Variants in XKR7 observed in about 807,000 individuals in gnomAD.
XKR7 encodes XK related 7.
XKR7 carries 11 observed loss-of-function variants against 42.2 expected under a neutral mutation model. That is an observed-to-expected ratio of 0.26 (90% CI 0.16 to 0.43). The LOEUF is 0.43. XKR7 is among the 20% of genes least tolerant of loss of function. XKR7 has a pLI of 1.00. For synonymous variants in XKR7, 346 were observed against 366.4 expected (o/e 0.94, Z 0.64); for missense variants, 710 against 802.2 (o/e 0.89, Z 1.39).
intron 1 of XKR7, among the ~76,000 whole-genome samples, chr20:31,982,356 A>G (rs1444558139): frequency 6.6e-6 from 1 of 152,076 alleles, no homozygotes; most frequent in African/African-American, 2.4e-5. Flanking sequence ...CCCTGTCTCT[A>G]CTAAAAATAC....
chr20:31,994,475 G>A (rs1445710627), intron 1 of XKR7, among the ~76,000 whole-genome samples: 1 of 152,172 alleles, frequency 6.6e-6, no homozygotes, highest in Admixed American at 6.5e-5. Context: ...CACCCTGGGA[G>A]GCCAAAGCAG....
Position 31,968,727 on chromosome 20 carries a change from C to A in XKR7, c.552C>A (p.Leu184=). The A allele has an allele frequency of 6.4e-7, 1 of 1,550,980 alleles. No individual in the cohort carries two copies. The highest frequency in any genetic ancestry group is 8.6e-7 in the Non-Finnish European group (1 of 1,156,700). The change falls in exon 1 of 3, where the codon CTC becomes CTA. Residue 184 remains leucine (L), a synonymous_variant. Coordinates refer to ENST00000562532, the MANE Select transcript of XKR7 (RefSeq NM_001011718.2). The surrounding 1 kb of genome is among the most constrained non-coding windows in gnomAD (Gnocchi z 4.5). ...CRLCIWLLQT[L]VHLLQLGQVW... Reference sequence around the variant, plus strand: ...TCTGCATCTGGCTGCTGCAGACCCTCGTCCACCTCCTGCAGCTCGGCCAGG... The same window carrying A: ...TCTGCATCTGGCTGCTGCAGACCCTAGTCCACCTCCTGCAGCTCGGCCAGG...
intron 1 of XKR7, among the ~76,000 whole-genome samples, chr20:31,987,245 C>G (rs2064546448): frequency 6.8e-6 from 1 of 147,276 alleles, no homozygotes; most frequent in African/African-American, 2.5e-5. Context: ...AAGACACAGA[C>G]AGACAAACAG....
Position 31,968,832 on chromosome 20 carries a change from C to A in XKR7, c.584+73C>A. The A allele has an allele frequency of 1.4e-6, 2 of 1,434,662 alleles. No homozygotes were observed. The highest frequency in any genetic ancestry group is 1.8e-6 in the Non-Finnish European group (2 of 1,098,982). The allele number at this position is 1,434,662 out of a possible 1,614,324, so 88.9% of individuals were successfully genotyped here. ...GCGAAGGGCTACCTGACGTCCCAGC[C>A]CTGATCTGACCTTTCCGGGCTACCC... On this transcript the variant is annotated intron_variant, in intron 1 of 2. Transcript: ENST00000562532. This position sits in a 1 kb window ranked among gnomAD's most constrained non-coding sequence, Gnocchi z 4.5.
intron 1 of XKR7, among the ~76,000 whole-genome samples, chr20:31,976,510 G>A (rs1021104376): frequency 6.6e-6 from 1 of 151,594 alleles, no homozygotes; most frequent in Non-Finnish European, 1.5e-5. Flanking sequence ...TCAGCCTCCC[G>A]AGTAGCTGGG....
chr20:31,968,354 T>A lies in XKR7; in HGVS notation c.179T>A (p.Val60Glu). The part of the protein sequence containing the change: ...PRYELRDCCW[V>E]LCALLVFFSD... ...TACGAGCTGCGGGACTGCTGCTGGGTGCTGTGCGCGCTGCTCGTGTTCTTC... is the reference window on the plus strand; with the variant it reads ...TACGAGCTGCGGGACTGCTGCTGGGAGCTGTGCGCGCTGCTCGTGTTCTTC... The change falls in exon 1 of 3, where the codon GTG becomes GAG. Residue 60 changes from valine (V) to glutamate (E), a missense_variant. Val to Glu is a moderately radical substitution (Grantham distance 121, BLOSUM62 -2). This residue lies in a region of XKR7 where 708 missense variants were observed against 786.2 expected (regional missense o/e 0.90). Coordinates refer to ENST00000562532, the MANE Select transcript of XKR7 (RefSeq NM_001011718.2). This position sits in a 1 kb window ranked among gnomAD's most constrained non-coding sequence, Gnocchi z 4.5. 6.2e-7 allele frequency: 1 copy of A among 1,607,306 alleles called. No homozygotes were observed. The highest frequency in any genetic ancestry group is 8.5e-7 in the Non-Finnish European group (1 of 1,178,714).
intron 1 of XKR7, among the ~76,000 whole-genome samples, chr20:31,972,833 A>G (rs563445698): frequency 6.6e-6 from 1 of 152,336 alleles, no homozygotes; most frequent in Non-Finnish European, 1.5e-5. Context: ...GAAGCCCTGC[A>G]TGACAGAGAA....
At chr20:31,991,880 G>A (rs2064571847) in intron 1 of XKR7, among the ~76,000 whole-genome samples, 1 of 152,248 alleles carries the variant, frequency 6.6e-6, no homozygotes, top group South Asian at 2.1e-4. Flanking sequence ...CACTTTGGGA[G>A]GCTGAGGCGG....
chr20:31,990,303 T>C (rs1318425729), intron 1 of XKR7, among the ~76,000 whole-genome samples: 2 of 151,900 alleles, frequency 1.3e-5, no homozygotes, highest in Non-Finnish European at 2.9e-5. Flanking sequence ...AGTGTTGGGA[T>C]TACAGGTGTG....
chr20:32,002,250 T>A lies in XKR7; in HGVS notation c.*4793T>A, dbSNP rs2064628540. The A allele has an allele frequency of 6.6e-6, 1 of 152,034 alleles. No homozygotes were observed. Among genetic ancestry groups the A allele is most frequent in the African/African-American group, 2.4e-5 (1 of 41,364 alleles). 9.4% of individuals were successfully genotyped at this position (152,034 alleles called of 1,614,324 possible). A position where few individuals can be genotyped will look rare whatever the true frequency, so the allele number is the denominator to read the frequency against. On this transcript the variant is annotated 3_prime_UTR_variant, in exon 3 of 3. Transcript: ENST00000562532. ...CCTTCTCTGGAGGAGAAGGCTGCCCTCTCCTCAGCAACCCTGGCCTTTATT... is the reference window on the plus strand; with the variant it reads ...CCTTCTCTGGAGGAGAAGGCTGCCCACTCCTCAGCAACCCTGGCCTTTATT...
intron 1 of XKR7, among the ~76,000 whole-genome samples, chr20:31,986,452 A>C (rs2064540739): frequency 1.4e-5 from 2 of 143,878 alleles, no homozygotes. Context: ...CACCAAGCAC[A>C]CCCAGCATCC....
chr20:31,996,241 A>G (rs946918453), intron 2 of XKR7, among the ~76,000 whole-genome samples: 2 of 148,590 alleles, frequency 1.3e-5, no homozygotes, highest in African/African-American at 2.5e-5. Flanking sequence ...AGAGTCCTAG[A>G]TGGAGGCCAA....
intron 1 of XKR7, among the ~76,000 whole-genome samples, chr20:31,994,365 G>A (rs2064581883): frequency 6.6e-6 from 1 of 152,178 alleles, no homozygotes; most frequent in South Asian, 2.1e-4. Flanking sequence ...CTTCCTAGCT[G>A]TGTGACCTTG....
At position 31,998,714 on chromosome 20, in the gene XKR7, A is replaced by G. The variant is rs1472544008; in HGVS notation, c.*1257A>G. ...AACCCCTGAGACATTTCAGCTGCCA[A>G]CTGGTTCCCAGCTGGAAAAAAAAAT... On this transcript the variant is annotated 3_prime_UTR_variant, in exon 3 of 3. Transcript: ENST00000562532. 6.9e-6 allele frequency: 1 copy of G among 145,018 alleles called. No homozygotes were observed. Among genetic ancestry groups the G allele is most frequent in the Non-Finnish European group, 1.5e-5 (1 of 66,522 alleles). 9.0% of individuals were successfully genotyped at this position (145,018 alleles called of 1,614,324 possible).
chr20:31,975,967 G>C (rs1311648846), intron 1 of XKR7, among the ~76,000 whole-genome samples: 1 of 152,178 alleles, frequency 6.6e-6, no homozygotes, highest in Non-Finnish European at 1.5e-5. Context: ...CCAAAACCCT[G>C]GCTCTGCCAC....
At chr20:31,990,814 C>T (rs2064567186) in intron 1 of XKR7, among the ~76,000 whole-genome samples, 1 of 152,068 alleles carries the variant, frequency 6.6e-6, no homozygotes, top group South Asian at 2.1e-4. Flanking sequence ...TCCCTAGGCC[C>T]ATGAAAATCT....
In XKR7 at chr20:31,997,134, C is replaced by T; in HGVS notation, c.1417C>T (p.Pro473Ser). 1 of 1,612,462 alleles carries T rather than the reference C, an allele frequency of 6.2e-7. No homozygotes were observed. The highest frequency in any genetic ancestry group is 8.5e-7 in the Non-Finnish European group (1 of 1,180,026). Residue 473 changes from proline to serine, a missense_variant, in exon 3 of 3, where the codon CCC (proline) becomes TCC (serine). By Grantham distance (74) the Pro-to-Ser change is moderately conservative. Transcript: ENST00000562532. ...GPPADAITSP[P>S]RSLPRTTGAE... ...ACCCGCTGACGCCATCACGAGTCCC[C>T]CCAGGTCCCTGCCAAGGACTACAGG...
chr20:31,989,739 G>A (rs553769927), intron 1 of XKR7, among the ~76,000 whole-genome samples: 83 of 152,218 alleles, frequency 5.5e-4, no homozygotes, highest in African/African-American at 2.0e-3. Flanking sequence ...TCAGCCTCCT[G>A]AGTAGCTGGG....
At chr20:31,989,484 G>A (rs935867049) in intron 1 of XKR7, among the ~76,000 whole-genome samples, 1 of 151,544 alleles carries the variant, frequency 6.6e-6, no homozygotes, top group East Asian at 1.9e-4. Flanking sequence ...CCTGCTGGTT[G>A]CCATGTGGAG....
Sources: gnomAD v4.1 joint callset for allele counts (sites outside exome capture counted in the v4.1 genomes callset) on GRCh38, gnomAD v4.1.1 for gene constraint, gnomAD v4.1.1 regional missense constraint, Gnocchi (gnomAD v3.1) non-coding constraint, MANE v1.5 for transcripts, NCBI Gene and HGNC (gene_info 2026-07-23, HGNC 2026-07-21) for gene names.